Variants in PRDM2 observed in about 807,000 individuals in gnomAD.
PRDM2 encodes the protein PR/SET domain 2, also known as PR domain zinc finger protein 2.
In PRDM2, 30 loss-of-function variants were observed where a neutral mutation model predicts 130.0. The observed-to-expected ratio is 0.23, with a 90% CI of 0.17 to 0.31. PRDM2 has a LOEUF of 0.31. Ranked by LOEUF, PRDM2 falls within the 10% of genes least tolerant of loss-of-function variation. PRDM2 has a pLI of 1.00. For synonymous variants in PRDM2, 871 were observed against 782.4 expected, an observed-to-expected ratio of 1.11 and a Z score of -1.89; for missense variants, 2,011 against 2,108.4, an observed-to-expected ratio of 0.95 and a Z score of 0.90.
At position 13,713,489 on chromosome 1, in the gene PRDM2, A is replaced by T. The variant is rs532308369; in HGVS notation, c.-65-2052A>T. Reference sequence around the variant, plus strand: ...TCATTGAAGGCAGCACAGTGCCTGCAAGTCCTTGGAAGAAGCTTCATAAAT... The same window carrying T: ...TCATTGAAGGCAGCACAGTGCCTGCTAGTCCTTGGAAGAAGCTTCATAAAT... On this transcript the variant is annotated intron_variant, in intron 1 of 9. Transcript: ENST00000311066. 1.2e-4 allele frequency among the ~76,000 whole-genome samples: 18 copies of T among 152,376 alleles called. No individual in the cohort carries two copies. The South Asian group carries it at 3.5e-3, about 30-fold the overall frequency.
chr1:13,765,078 C>T (rs192573794), intron 6 of PRDM2, among the ~76,000 whole-genome samples: 117 of 152,314 alleles, frequency 7.7e-4, no homozygotes, highest in Non-Finnish European at 1.1e-3. Flanking sequence ...CCACTGATCG[C>T]GCCTTGACCA....
chr1:13,795,224 A>G (rs1644904563), intron 8 of PRDM2, among the ~76,000 whole-genome samples: 1 of 152,246 alleles, frequency 6.6e-6, no homozygotes, highest in Non-Finnish European at 1.5e-5. Context: ...TAATAATGTA[A>G]GGATGATCAC....
chr1:13,774,071 T>G (rs2100639756), intron 7 of PRDM2, among the ~76,000 whole-genome samples: 1 of 152,366 alleles, frequency 6.6e-6, no homozygotes, highest in Admixed American at 6.5e-5. Context: ...TGTCTCTTCG[T>G]GTTTGTCCCC....
chr1:13,713,910 C>T (rs1057307640), intron 1 of PRDM2, among the ~76,000 whole-genome samples: 2 of 152,126 alleles, frequency 1.3e-5, no homozygotes, highest in African/African-American at 4.8e-5. Flanking sequence ...GCTCTGTCGC[C>T]CAGGCTGGAG....
intron 6 of PRDM2, among the ~76,000 whole-genome samples, chr1:13,755,497 A>G (rs75068441): frequency 0.012 from 1,884 of 152,346 alleles, 31 homozygotes; most frequent in African/African-American, 0.044. Flanking sequence ...TAAACTATAT[A>G]AAAGAGGTAA....
intron 2 of PRDM2, among the ~76,000 whole-genome samples, chr1:13,719,859 C>T (rs1297932351): frequency 2.6e-5 from 4 of 151,930 alleles, no homozygotes; most frequent in African/African-American, 4.8e-5. Context: ...AAGATGGGTT[C>T]GTAGAATTTT....
chr1:13,755,028 C>CA (rs1643915730), intron 6 of PRDM2, among the ~76,000 whole-genome samples: 1 of 152,042 alleles, frequency 6.6e-6, no homozygotes, highest in South Asian at 2.1e-4. Context: ...GGTTGCCTGC[C>CA]AGGATGAACT....
chr1:13,748,165 T>A (rs1193728690), intron 5 of PRDM2, among the ~76,000 whole-genome samples: 1 of 152,256 alleles, frequency 6.6e-6, no homozygotes, highest in Non-Finnish European at 1.5e-5. Flanking sequence ...TCAGGAGACA[T>A]ATGATGTTGG....
chr1:13,718,193 T>C (rs986369168), intron 2 of PRDM2, among the ~76,000 whole-genome samples: 3 of 152,226 alleles, frequency 2.0e-5, no homozygotes, highest in African/African-American at 7.2e-5. Context: ...GATTGACTTA[T>C]AAATAAAATC....
intron 8 of PRDM2, among the ~76,000 whole-genome samples, chr1:13,799,046 A>G (rs1007351166): frequency 3.3e-5 from 5 of 152,292 alleles, no homozygotes; most frequent in Non-Finnish European, 5.9e-5. Context: ...AGCTGGATCA[A>G]AGGGTAACAA....
intron 2 of PRDM2, among the ~76,000 whole-genome samples, chr1:13,725,414 A>G (rs1291318802): frequency 3.3e-5 from 5 of 152,142 alleles, no homozygotes; most frequent in African/African-American, 1.2e-4. Flanking sequence ...CATGTTGGCC[A>G]GGTTGGTCTT....
chr1:13,760,059 G>A (rs751586926), intron 6 of PRDM2, among the ~76,000 whole-genome samples: 28 of 152,042 alleles, frequency 1.8e-4, no homozygotes, highest in Non-Finnish European at 3.5e-4. Flanking sequence ...CCTATTTTTA[G>A]TTATTATAAA....
intron 1 of PRDM2, among the ~76,000 whole-genome samples, chr1:13,713,628 C>T (rs929150341): frequency 3.9e-5 from 6 of 152,112 alleles, no homozygotes; most frequent in East Asian, 1.9e-4. Context: ...TGCATTTTAC[C>T]GCAGATGTTT....
Position 13,824,046 on chromosome 1 carries a change from CA to C in PRDM2, c.*912del, listed in dbSNP as rs61508593. On this transcript the variant is annotated 3_prime_UTR_variant, in exon 10 of 10. Coordinates refer to ENST00000311066, the MANE Select transcript of PRDM2 (RefSeq NM_001393986.1). ...AAAAAAATGGGAAGATTAAAAAGCA[CA>C]GGGGGAAGAAGAAGAGATTTCGGAG... 0.018 allele frequency: 2,688 copies of C among 152,620 alleles called. 36 individuals carry two copies. Among genetic ancestry groups the C allele is most frequent in the Middle Eastern group, 0.041 (12 of 294 alleles). The allele number at this position is 152,620 out of a possible 1,614,324, so 9.5% of individuals were successfully genotyped here.
chr1:13,785,894 A>G (rs1373947056), intron 8 of PRDM2, among the ~76,000 whole-genome samples: 2 of 143,864 alleles, frequency 1.4e-5, no homozygotes, highest in Non-Finnish European at 3.0e-5. Context: ...GCTGGAGTGC[A>G]GTGGCACGAT....
chr1:13,719,978 C>T (rs1426591858), intron 2 of PRDM2, among the ~76,000 whole-genome samples: 1 of 152,038 alleles, frequency 6.6e-6, no homozygotes, highest in Non-Finnish European at 1.5e-5. Context: ...TATGAATATA[C>T]TATGAATTGT....
chr1:13,752,096 G>A (rs1185852613), intron 6 of PRDM2, among the ~76,000 whole-genome samples: 5 of 152,088 alleles, frequency 3.3e-5, no homozygotes, highest in African/African-American at 9.7e-5. Flanking sequence ...TTATGGCGCC[G>A]ACAAACGTTA....
intron 5 of PRDM2, among the ~76,000 whole-genome samples, chr1:13,746,327 C>G (rs1334505633): frequency 3.3e-5 from 5 of 150,952 alleles, no homozygotes; most frequent in Non-Finnish European, 7.4e-5. Flanking sequence ...CTTAAAAATG[C>G]TAACCAGTAC....
Position 13,806,612 on chromosome 1 carries a change from C to T in PRDM2, c.5037-9815C>T, listed in dbSNP as rs1247731150. ...TCATCAGCAGATCCCCAAACTCACC[C>T]GGAATCCACAGCTTCTCTCAGCTCA... On this transcript the variant is annotated intron_variant, in intron 8 of 9. Transcript: ENST00000311066. The surrounding 1 kb of genome is among the most constrained non-coding windows in gnomAD (Gnocchi z 4.1). 1.3e-5 allele frequency among the ~76,000 whole-genome samples: 2 copies of T among 152,136 alleles called. No homozygotes were observed. The highest frequency in any genetic ancestry group is 2.1e-4 in the South Asian group (1 of 4,818).
Sources: gnomAD v4.1 joint callset for allele counts (sites outside exome capture counted in the v4.1 genomes callset) on GRCh38, gnomAD v4.1.1 for gene constraint, Gnocchi (gnomAD v3.1) non-coding constraint, MANE v1.5 for transcripts, NCBI Gene and HGNC (gene_info 2026-07-23, HGNC 2026-07-21) for gene names.